Variants in MACC1 observed in about 807,000 individuals in gnomAD.
MACC1 encodes metastasis-associated in colon cancer protein 1.
MACC1 carries 79 observed loss-of-function variants against 70.7 expected under a neutral mutation model. The ratio of observed to expected loss-of-function variants is 1.12; its 90% CI spans 0.93 to 1.35. MACC1 has a LOEUF of 1.35. Ranked by LOEUF, MACC1 falls within the 40% of genes most tolerant of loss-of-function variation. The probability of loss-of-function intolerance (pLI) is 0.00; values close to 1 mark genes in which losing one functional copy is unlikely to be tolerated. For synonymous variants in MACC1, 361 were observed against 347.2 expected (o/e 1.04, Z -0.44); for missense variants, 1,106 against 978.1 (o/e 1.13, Z -1.74).
intron 1 of MACC1, among the ~76,000 whole-genome samples, chr7:20,198,908 T>C (rs1782792096): frequency 6.6e-6 from 1 of 152,190 alleles, no homozygotes; most frequent in Non-Finnish European, 1.5e-5. Flanking sequence ...AACAAATCTT[T>C]TATCCACAGA....
Position 20,179,023 on chromosome 7 carries a change from T to C in MACC1, c.-217-8245A>G, listed in dbSNP as rs960329789. Among the ~76,000 whole-genome samples the C allele has an allele frequency of 2.4e-4, 37 of 152,234 alleles. 1 individual carries two copies. The highest frequency in any genetic ancestry group is 2.1e-4 in the South Asian group (1 of 4,836). Reference sequence around the variant, plus strand: ...TCTGGAAATCTGATGAAATGAATACTCTTTTCTTCAGATTTATTAACTTTT... The same window carrying C: ...TCTGGAAATCTGATGAAATGAATACCCTTTTCTTCAGATTTATTAACTTTT... On this transcript the variant is annotated intron_variant, in intron 1 of 6. Coordinates refer to ENST00000400331, the MANE Select transcript of MACC1 (RefSeq NM_182762.4).
intron 6 of MACC1, among the ~76,000 whole-genome samples, chr7:20,152,222 G>A (rs1781989733): frequency 1.3e-5 from 2 of 152,080 alleles, no homozygotes; most frequent in Non-Finnish European, 2.9e-5. Context: ...TTTGGAGTGT[G>A]TGCCCTCTGA....
chr7:20,194,402 A>T (rs1393836600), intron 1 of MACC1, among the ~76,000 whole-genome samples: 1 of 152,186 alleles, frequency 6.6e-6, no homozygotes, highest in African/African-American at 2.4e-5. Flanking sequence ...TACTCCCCTG[A>T]TGTGTTTGTT....
At position 20,209,455 on chromosome 7, in the gene MACC1, C is replaced by T. The variant is rs1410037024; in HGVS notation, c.-218+7844G>A. Among the ~76,000 whole-genome samples the T allele has an allele frequency of 3.3e-5, 5 of 152,220 alleles. No homozygotes were observed. The South Asian group carries it at 6.2e-4, about 19-fold the overall frequency. On this transcript the variant is annotated intron_variant, in intron 1 of 6. Transcript: ENST00000400331. ...CTGGAACTTTATGGGTTAATGACTG[C>T]CCTACTGGATTTCAGACTTGCATGG...
intron 6 of MACC1, among the ~76,000 whole-genome samples, chr7:20,145,798 T>A (rs1212967167): frequency 7.9e-5 from 12 of 152,170 alleles, no homozygotes; most frequent in Non-Finnish European, 8.8e-5. Flanking sequence ...AAAGCATATG[T>A]CAAGACTTAT....
chr7:20,172,355 T>C (rs1782321286), intron 1 of MACC1, among the ~76,000 whole-genome samples: 1 of 152,174 alleles, frequency 6.6e-6, no homozygotes, highest in Non-Finnish European at 1.5e-5. Flanking sequence ...AACATGTTAG[T>C]ATATAAGTAC....
intron 1 of MACC1, among the ~76,000 whole-genome samples, chr7:20,196,438 C>A (rs1782754959): frequency 6.6e-6 from 1 of 152,154 alleles, no homozygotes; most frequent in African/African-American, 2.4e-5. Context: ...CCTCGGCCTC[C>A]CAAACTGCTG....
chr7:20,156,261 G>T (rs893107424), intron 5 of MACC1, among the ~76,000 whole-genome samples: 2 of 152,112 alleles, frequency 1.3e-5, no homozygotes, highest in Non-Finnish European at 2.9e-5. Context: ...TCACCTGCCA[G>T]TCAGAGAACC....
chr7:20,178,145 T>A (rs972354102), intron 1 of MACC1, among the ~76,000 whole-genome samples: 5 of 152,136 alleles, frequency 3.3e-5, no homozygotes, highest in African/African-American at 1.2e-4. Flanking sequence ...TTCATAAGAA[T>A]GTATAAATTT....
intron 5 of MACC1, among the ~76,000 whole-genome samples, chr7:20,154,746 G>C (rs1346729867): frequency 6.6e-6 from 1 of 152,020 alleles, no homozygotes; most frequent in Non-Finnish European, 1.5e-5. Context: ...TATCACTCTA[G>C]GATTAGTTAT....
chr7:20,192,653 T>C (rs1562598437), intron 1 of MACC1, among the ~76,000 whole-genome samples: 3 of 152,224 alleles, frequency 2.0e-5, no homozygotes, highest in Admixed American at 2.0e-4. Context: ...TTGTGAAATA[T>C]AATACAACCA....
chr7:20,197,691 A>T (rs1160867325), intron 1 of MACC1, among the ~76,000 whole-genome samples: 1 of 152,192 alleles, frequency 6.6e-6, no homozygotes, highest in African/African-American at 2.4e-5. Context: ...ATGAACAAAG[A>T]TTTCAGACAA....
intron 1 of MACC1, among the ~76,000 whole-genome samples, chr7:20,178,603 G>A (rs993545084): frequency 6.6e-6 from 1 of 151,930 alleles, no homozygotes; most frequent in Admixed American, 6.6e-5. Context: ...TAACCTTTTT[G>A]TTTTTGTTTT....
intron 1 of MACC1, among the ~76,000 whole-genome samples, chr7:20,175,937 C>T (rs1782386207): frequency 2.0e-5 from 3 of 152,050 alleles, no homozygotes; most frequent in Non-Finnish European, 4.4e-5. Context: ...AAAGACAACA[C>T]TGAAAATCAG....
At chr7:20,200,027 G>T (rs1443997136) in intron 1 of MACC1, among the ~76,000 whole-genome samples, 1 of 150,830 alleles carries the variant, frequency 6.6e-6, no homozygotes, top group Non-Finnish European at 1.5e-5. Flanking sequence ...ACCATTATGT[G>T]TGTGTGTGTG....
At chr7:20,167,152 C>T (rs1782233105) in intron 2 of MACC1, among the ~76,000 whole-genome samples, 1 of 151,938 alleles carries the variant, frequency 6.6e-6, no homozygotes, top group African/African-American at 2.4e-5. Context: ...TGCAACAATT[C>T]TAGAAAGTTG....
intron 1 of MACC1, among the ~76,000 whole-genome samples, chr7:20,191,376 T>G (rs906179116): frequency 1.3e-5 from 2 of 152,138 alleles, no homozygotes; most frequent in African/African-American, 4.8e-5. Context: ...GGAGCATGGA[T>G]GGGTGCCAAG....
chr7:20,208,209 T>C (rs1403918278), intron 1 of MACC1, among the ~76,000 whole-genome samples: 2 of 152,204 alleles, frequency 1.3e-5, no homozygotes, highest in Non-Finnish European at 2.9e-5. Flanking sequence ...CATGGACTAA[T>C]GCAGTAAATT....
chr7:20,178,694 G>A (rs1039110264), intron 1 of MACC1, among the ~76,000 whole-genome samples: 1 of 152,140 alleles, frequency 6.6e-6, no homozygotes, highest in Non-Finnish European at 1.5e-5. Flanking sequence ...CTGCCTCCCG[G>A]GTTCAAGCGA....
Sources: gnomAD v4.1 joint callset for allele counts (sites outside exome capture counted in the v4.1 genomes callset) on GRCh38, gnomAD v4.1.1 for gene constraint, MANE v1.5 for transcripts, NCBI Gene and HGNC (gene_info 2026-07-23, HGNC 2026-07-21) for gene names.